The following MTR variants were observed in gnomAD, a reference collection of about 807,000 sequenced individuals.
MTR encodes methionine synthase.
A neutral mutation model predicts 154.8 loss-of-function variants in MTR; 84 were observed. That is an observed-to-expected ratio of 0.54 (90% CI 0.45 to 0.65). The LOEUF (loss-of-function observed/expected upper bound fraction) is 0.65. Among genes scored for constraint, MTR ranks in the 30% least tolerant of loss-of-function variants. The pLI is 0.00. For synonymous variants in MTR, 554 were observed against 553.9 expected, an observed-to-expected ratio of 1.00 and a Z score of 0.00; for missense variants, 1,275 against 1,570.2, an observed-to-expected ratio of 0.81 and a Z score of 3.18.
chr1:236,833,510 G>A (rs1297566599), intron 13 of MTR, among the ~76,000 whole-genome samples: 1 of 152,142 alleles, frequency 6.6e-6, no homozygotes, highest in Non-Finnish European at 1.5e-5. Context: ...GCCTATTGTT[G>A]TACAGCAAGT....
intron 8 of MTR, among the ~76,000 whole-genome samples, chr1:236,822,312 G>GTTT (rs199660325): frequency 0.33 from 40,715 of 124,442 alleles, 7,410 homozygotes; most frequent in East Asian, 0.4. Flanking sequence ...GGTTTTTTTT[G>GTTT]TTTTTTTTTT....
At position 236,862,275 on chromosome 1, in the gene MTR, C is replaced by T; in HGVS notation, c.2236C>T (p.His746Tyr). The change falls in exon 21 of 33, where the codon CAC becomes TAC. Residue 746 changes from histidine (H) to tyrosine (Y), a missense_variant. His to Tyr is a moderately conservative substitution (Grantham distance 83). Coordinates refer to ENST00000366577, the MANE Select transcript of MTR (RefSeq NM_000254.3). The part of the protein sequence containing the change: ...SARVMKKAVG[H>Y]LIPFMEKERE... ...CCGGGTTATGAAGAAGGCTGTTGGC[C>T]ACCTTATCCCTTTCATGGAAAAAGA... 2 of 1,613,992 alleles carry T rather than the reference C, an allele frequency of 1.2e-6. No individual in the cohort carries two copies. The highest frequency in any genetic ancestry group is 1.7e-6 in the Non-Finnish European group (2 of 1,179,910).
Position 236,897,813 on chromosome 1 carries a change from C to G in MTR, c.*169C>G, listed in dbSNP as rs751919808. 70 of 643,532 alleles carry G rather than the reference C, an allele frequency of 1.1e-4. No individual in the cohort carries two copies. The highest frequency in any genetic ancestry group is 8.4e-4 in the Middle Eastern group (2 of 2,390). 39.9% of individuals were successfully genotyped at this position (643,532 alleles called of 1,614,324 possible). On this transcript the variant is annotated 3_prime_UTR_variant, in exon 33 of 33. Coordinates refer to ENST00000366577, the MANE Select transcript of MTR (RefSeq NM_000254.3). ...GAACCTTGTAGAGGAGCAGGGTCTT[C>G]CTGCAGTGCCTGGAAAACAGGCGCT...
rs1252251 is a variant in MTR, at chr1:236,873,169, T to C, written c.2406-604T>C. 3.2e-3 allele frequency among the ~76,000 whole-genome samples: 494 copies of C among 152,362 alleles called. 4 individuals are homozygous for C. The highest frequency in any genetic ancestry group is 4.9e-3 in the Non-Finnish European group (333 of 68,032). ...TGAAGGCACTGTGCTAAGTGAAGTT[T>C]AGCCAAACACAAAAGGATGAATACT... On this transcript the variant is annotated intron_variant, in intron 22 of 32. Coordinates refer to ENST00000366577, the MANE Select transcript of MTR (RefSeq NM_000254.3).
Position 236,842,093 on chromosome 1 carries a change from G to A in MTR, c.1515+3494G>A, listed in dbSNP as rs377355081. On this transcript the variant is annotated intron_variant, in intron 15 of 32. Transcript: ENST00000366577. The stretch of plus-strand genomic sequence containing the variant: ...TTTTTAGTAGAGACGGGGTTTCACC[G>A]TGTCAGCCAGGATGGTCTCGATCTC... Among the ~76,000 whole-genome samples, 8 of 152,170 alleles carry A rather than the reference G, an allele frequency of 5.3e-5. No homozygotes were observed. The East Asian group carries it at 1.2e-3, about 22-fold the overall frequency.
At chr1:236,841,953 C>T (rs1448544586) in intron 15 of MTR, among the ~76,000 whole-genome samples, 2 of 150,232 alleles carry the variant, frequency 1.3e-5, no homozygotes, top group East Asian at 2.0e-4. Flanking sequence ...TGCGGTGGCG[C>T]GATCTTGGCT....
intron 9 of MTR, among the ~76,000 whole-genome samples, chr1:236,824,738 A>T (rs1662180079): frequency 6.6e-6 from 1 of 152,218 alleles, no homozygotes; most frequent in Non-Finnish European, 1.5e-5. Flanking sequence ...GTATTTGAGC[A>T]CTGCTTAGCT....
chr1:236,882,255 T>C (rs1422887486), intron 25 of MTR, among the ~76,000 whole-genome samples: 3 of 152,208 alleles, frequency 2.0e-5, no homozygotes, highest in Admixed American at 6.5e-5. Context: ...CAAACACTGA[T>C]GTATAGCCCT....
rs570981756 is a variant in MTR at position 236,831,416 on chromosome 1, C to T, written c.1076-550C>T. Among the ~76,000 whole-genome samples the T allele has an allele frequency of 8.5e-5, 13 of 152,322 alleles. No homozygotes were observed. In the East Asian group the frequency reaches 2.1e-3, roughly 25 times the overall value. ...GTCAGCTCATTAGTGATAGACCTGCCACAGTGACTCCTGTCTCTCAGGTCT... is the reference window on the plus strand; with the variant it reads ...GTCAGCTCATTAGTGATAGACCTGCTACAGTGACTCCTGTCTCTCAGGTCT... On this transcript the variant is annotated intron_variant, in intron 12 of 32. Coordinates refer to ENST00000366577, the MANE Select transcript of MTR (RefSeq NM_000254.3).
intron 27 of MTR, among the ~76,000 whole-genome samples, chr1:236,888,285 A>G (rs1383435242): frequency 6.6e-6 from 1 of 152,188 alleles, no homozygotes; most frequent in Non-Finnish European, 1.5e-5. Context: ...TAATCCTGCC[A>G]TGTCAGACCA....
Position 236,803,652 on chromosome 1 carries a change from TCCCAGGTTC to T in MTR, c.249+13_249+21del. 6.2e-7 allele frequency: 1 copy of T among 1,610,670 alleles called. No individual in the cohort carries two copies. ...TTACCAAATCCATAAGGTAAAGTAT[TCCCAGGTTC>T]CCATGTGTATTCATTCTGTTATTCT... On this transcript the variant is annotated intron_variant, in intron 2 of 32. Coordinates refer to ENST00000366577, the MANE Select transcript of MTR (RefSeq NM_000254.3).
At chr1:236,802,716 A>G (rs929922961) in intron 1 of MTR, among the ~76,000 whole-genome samples, 2 of 152,102 alleles carry the variant, frequency 1.3e-5, no homozygotes, top group African/African-American at 4.8e-5. Flanking sequence ...AGATGTTGGA[A>G]GTATTGAGGG....
At chr1:236,796,054 G>T (rs1660367085) in intron 1 of MTR, among the ~76,000 whole-genome samples, 1 of 151,550 alleles carries the variant, frequency 6.6e-6, no homozygotes, top group South Asian at 2.1e-4. Context: ...AACCAGCTGG[G>T]CCCTCTGGAA....
intron 22 of MTR, among the ~76,000 whole-genome samples, chr1:236,872,952 T>C (rs1665223501): frequency 6.6e-6 from 1 of 152,190 alleles, no homozygotes; most frequent in African/African-American, 2.4e-5. Flanking sequence ...GCCACTGCAC[T>C]CCAGCCTGGG....
intron 31 of MTR, 49 bp from the exon 32 acceptor site, chr1:236,896,957 G>T: frequency 7.2e-7 from 1 of 1,386,270 alleles, no homozygotes; most frequent in Non-Finnish European, 1.0e-6. Context: ...TGCAGGCCCT[G>T]TGCTAGACAC....
At position 236,843,347 on chromosome 1, in the gene MTR, A is replaced by G. The variant is rs941569133; in HGVS notation, c.1515+4748A>G. 3.9e-5 allele frequency among the ~76,000 whole-genome samples: 6 copies of G among 152,136 alleles called. 1 individual carries two copies. Among genetic ancestry groups the G allele is most frequent in the African/African-American group, 1.4e-4 (6 of 41,426 alleles). ...ATGCTTGTCCTGTTTGAAAACCAAC[A>G]GGGAAGCCAGAGTAGCTGGAGCAGA... On this transcript the variant is annotated intron_variant, in intron 15 of 32. Coordinates refer to ENST00000366577, the MANE Select transcript of MTR (RefSeq NM_000254.3).
intron 12 of MTR, 77 bp from the exon 13 acceptor site, chr1:236,831,889 G>T: frequency 9.6e-7 from 1 of 1,038,354 alleles, no homozygotes. Flanking sequence ...CTTTCTTATT[G>T]AATACATTTG....
intron 1 of MTR, among the ~76,000 whole-genome samples, chr1:236,801,712 A>G (rs901257733): frequency 2.6e-5 from 4 of 152,158 alleles, no homozygotes; most frequent in African/African-American, 9.7e-5. Flanking sequence ...ATTTGACTTG[A>G]GCTTTTCTCG....
chr1:236,893,742 C>T (rs958852444), intron 29 of MTR, among the ~76,000 whole-genome samples: 5 of 152,104 alleles, frequency 3.3e-5, no homozygotes, highest in African/African-American at 1.2e-4. Flanking sequence ...GGGTAGGCCC[C>T]AGGGCTGTGG....
Sources: gnomAD v4.1 joint callset for allele counts (sites outside exome capture counted in the v4.1 genomes callset) on GRCh38, gnomAD v4.1.1 for gene constraint, MANE v1.5 for transcripts, NCBI Gene and HGNC (gene_info 2026-07-23, HGNC 2026-07-21) for gene names.